The following SYNE2 variants were observed in gnomAD, a reference collection of about 807,000 sequenced individuals.
The protein encoded by SYNE2 is spectrin repeat containing nuclear envelope protein 2.
A neutral mutation model predicts 856.3 loss-of-function variants in SYNE2; 431 were observed. The observed-to-expected ratio is 0.50, with a 90% confidence interval of 0.47 to 0.55. The LOEUF is 0.55. Ranked by LOEUF, SYNE2 falls within the 20% of genes least tolerant of loss-of-function variation. The pLI is 0.00. For missense variants in SYNE2, 8,129 were observed against 8,023.2 expected, an observed-to-expected ratio of 1.01 and a Z score of -0.50; for synonymous variants, 2,923 against 2,872.3, an observed-to-expected ratio of 1.02 and a Z score of -0.56.
At position 63,853,087 on chromosome 14, in the gene SYNE2, G is replaced by C. The variant is rs1156972827; in HGVS notation, c.-108G>C. On this transcript the variant is annotated 5_prime_UTR_variant, in exon 1 of 116. Transcript: ENST00000555002. ...GCGCGATCCAGAGAGCCAGGCAAGC[G>C]GGGCGCCGACCTCGGGCGGCCCCGG... 6.6e-6 allele frequency: 1 copy of C among 151,832 alleles called. No homozygotes were observed. Among genetic ancestry groups the C allele is most frequent in the African/African-American group, 2.4e-5 (1 of 41,410 alleles). The allele number at this position is 151,832 out of a possible 1,614,324, so 9.4% of individuals were successfully genotyped here. A position where few individuals can be genotyped will look rare whatever the true frequency, so the allele number is the denominator to read the frequency against.
chr14:64,089,552 G>T (rs762266096), intron 58 of SYNE2, 22 bp from the exon 59 acceptor site: 2 of 1,601,864 alleles, frequency 1.2e-6, no homozygotes, highest in Admixed American at 1.7e-5. Context: ...TATTGCATCA[G>T]TGTGTTCTTC....
Position 64,052,046 on chromosome 14 carries a change from A to G in SYNE2, c.8133A>G (p.Lys2711=). Residue 2711 remains lysine, a synonymous_variant, in exon 48 of 116, where the codon AAA becomes AAG. Transcript: ENST00000555002. ...NLEDGINNLK[K]QWETLEPLHL... Reference sequence around the variant, plus strand: ...AGGATGGAATAAATAACTTGAAGAAACAATGGGAAACATTGGAGCCATTAC... The same window carrying G: ...AGGATGGAATAAATAACTTGAAGAAGCAATGGGAAACATTGGAGCCATTAC... 1 of 1,613,890 alleles carries G rather than the reference A, an allele frequency of 6.2e-7. No homozygotes were observed. Among genetic ancestry groups the G allele is most frequent in the Non-Finnish European group, 8.5e-7 (1 of 1,179,988 alleles).
intron 99 of SYNE2, among the ~76,000 whole-genome samples, chr14:64,201,617 T>C (rs971305146): frequency 6.6e-6 from 1 of 152,134 alleles, no homozygotes; most frequent in African/African-American, 2.4e-5. Flanking sequence ...CAGACTTGCC[T>C]TCTAGAACTT....
intron 98 of SYNE2, 143 bp from the exon 99 acceptor site, chr14:64,189,928 G>C (rs1173113866): frequency 2.2e-6 from 2 of 916,884 alleles, no homozygotes; most frequent in Admixed American, 5.0e-5. Flanking sequence ...TTCCCAAACT[G>C]CTGGGATTAT....
chr14:63,964,681 T>C (rs2096366450), intron 10 of SYNE2, among the ~76,000 whole-genome samples: 1 of 152,020 alleles, frequency 6.6e-6, no homozygotes, highest in African/African-American at 2.4e-5. Flanking sequence ...TGTACCGCCA[T>C]GCCCAGCTAA....
Position 64,122,141 on chromosome 14 carries a change from A to G in SYNE2, c.13280+8A>G. The G allele has an allele frequency of 1.2e-6, 2 of 1,614,190 alleles. No individual in the cohort carries two copies. The highest frequency in any genetic ancestry group is 1.3e-5 in the African/African-American group (1 of 75,064). On this transcript the variant is annotated splice_region_variant and intron_variant, in intron 69 of 115. Transcript: ENST00000555002. Reference sequence around the variant, plus strand: ...TCAGGAATCATCTGCAAGGTAAAACATTTAAAAATAGAGTTGGTCATTCAG... The same window carrying G: ...TCAGGAATCATCTGCAAGGTAAAACGTTTAAAAATAGAGTTGGTCATTCAG...
chr14:63,971,809 T>C (rs2096481307), intron 11 of SYNE2, among the ~76,000 whole-genome samples: 1 of 152,156 alleles, frequency 6.6e-6, no homozygotes, highest in African/African-American at 2.4e-5. Flanking sequence ...CATATGTCTT[T>C]ATTTTGCCTT....
At chr14:63,946,287 G>T (rs2096025455) in intron 6 of SYNE2, among the ~76,000 whole-genome samples, 1 of 151,762 alleles carries the variant, frequency 6.6e-6, no homozygotes, top group African/African-American at 2.4e-5. Flanking sequence ...AATTAGCTGG[G>T]AATGGTGGTA....
chr14:63,913,554 C>T (rs2095499083), intron 2 of SYNE2, among the ~76,000 whole-genome samples: 1 of 151,422 alleles, frequency 6.6e-6, no homozygotes, highest in South Asian at 2.1e-4. Flanking sequence ...CCTCCGCCTC[C>T]AGAGTTCAAG....
At chr14:63,765,638 T>C in intron 1 of SYNE2, among the ~76,000 whole-genome samples, 1 of 152,122 alleles carries the variant, frequency 6.6e-6, no homozygotes, top group African/African-American at 2.4e-5. Context: ...ATTACAGGTG[T>C]GAGCCACCAC....
intron 10 of SYNE2, among the ~76,000 whole-genome samples, chr14:63,964,575 A>G (rs1355962856): frequency 6.6e-6 from 1 of 151,582 alleles, no homozygotes; most frequent in East Asian, 1.9e-4. Context: ...CCTAGTCTGG[A>G]GTGCAATGGT....
intron 52 of SYNE2, among the ~76,000 whole-genome samples, chr14:64,072,434 ATCCAT>A (rs1262571719): frequency 1.3e-5 from 2 of 152,138 alleles, no homozygotes; most frequent in Admixed American, 1.3e-4. Flanking sequence ...TGGGGGCTCA[ATCCAT>A]CCCACAAGAG....
intron 108 of SYNE2, among the ~76,000 whole-genome samples, chr14:64,217,516 T>G (rs2098672098): frequency 6.6e-6 from 1 of 152,316 alleles, no homozygotes; most frequent in South Asian, 2.1e-4. Flanking sequence ...GCTGTTTGTG[T>G]CCAATTCAGA....
chr14:63,955,004 T>A, intron 8 of SYNE2, 89 bp downstream of exon 8: 1 of 1,089,536 alleles, frequency 9.2e-7, no homozygotes, highest in Non-Finnish European at 1.4e-6. Context: ...ATAAACATAG[T>A]GGCACTCTAT....
Position 64,126,765 on chromosome 14 carries a change from C to G in SYNE2, c.13875C>G (p.Ser4625Arg), listed in dbSNP as rs762342233. 1.8e-5 allele frequency: 29 copies of G among 1,613,820 alleles called. No homozygotes were observed. The highest frequency in any genetic ancestry group is 2.4e-5 in the Non-Finnish European group (28 of 1,180,038). Residue 4625 changes from serine (S) to arginine (R), a missense_variant, in exon 73 of 116, where the codon AGC (serine) becomes AGG (arginine). Transcript: ENST00000555002. ...CTCAGGCTGCAGCTGTCTGTAGAAGCAAGTCCCTGAAAGCTGGCCTCGATT... is the reference window on the plus strand; with the variant it reads ...CTCAGGCTGCAGCTGTCTGTAGAAGGAAGTCCCTGAAAGCTGGCCTCGATT... ...EHTQAAAVCR[S>R]KSLKAGLDYN...
At chr14:64,040,395 A>G (rs111478560) in intron 45 of SYNE2, among the ~76,000 whole-genome samples, 20 of 152,096 alleles carry the variant, frequency 1.3e-4, no homozygotes, top group African/African-American at 4.3e-4. Flanking sequence ...CTTTGAGAAC[A>G]AAAGGACGGA....
At chr14:63,826,818 C>A (rs1889448150) in intron 1 of SYNE2, among the ~76,000 whole-genome samples, 1 of 152,012 alleles carries the variant, frequency 6.6e-6, no homozygotes, top group African/African-American at 2.4e-5. Context: ...GAGAGGACAC[C>A]ATAAGCACAA....
chr14:64,186,169 T>C (rs1018041051), intron 96 of SYNE2, among the ~76,000 whole-genome samples: 3 of 152,178 alleles, frequency 2.0e-5, no homozygotes, highest in African/African-American at 7.2e-5. Context: ...ATAGAATAAA[T>C]TCTATCAAAA....
intron 94 of SYNE2, chr14:64,173,872 A>G (rs1206715949): frequency 3.1e-6 from 2 of 653,748 alleles, no homozygotes; most frequent in Non-Finnish European, 5.4e-6. Context: ...TTTGTATTAT[A>G]AATACCTAGT....
Sources: allele counts gnomAD v4.1 joint callset (sites outside exome capture counted in the v4.1 genomes callset), GRCh38; gene constraint gnomAD v4.1.1; transcripts MANE v1.5; gene names NCBI Gene and HGNC (gene_info 2026-07-23, HGNC 2026-07-21).